The following STK39 variants were observed in gnomAD, a reference collection of about 807,000 sequenced individuals.
The protein encoded by STK39 is STE20/SPS1-related proline-alanine-rich protein kinase.
STK39 carries 20 observed loss-of-function variants against 77.8 expected under a neutral mutation model. That is an observed-to-expected ratio of 0.26 (90% CI 0.18 to 0.37). The LOEUF (loss-of-function observed/expected upper bound fraction) is 0.37, where lower values mean the gene tolerates loss of function less well. STK39 is among the 10% of genes least tolerant of loss of function. The pLI, the probability that STK39 is intolerant of heterozygous loss-of-function variation, is 1.00. For synonymous variants in STK39, 246 were observed against 234.1 expected (o/e 1.05, Z -0.47); for missense variants, 479 against 656.5 (o/e 0.73, Z 2.95).
chr2:168,059,659 T>A (rs1256229511), intron 14 of STK39, among the ~76,000 whole-genome samples: 1 of 152,188 alleles, frequency 6.6e-6, no homozygotes, highest in Non-Finnish European at 1.5e-5. Context: ...GAGCAGACTA[T>A]CCCACTCAAC....
intron 16 of STK39, among the ~76,000 whole-genome samples, chr2:167,989,888 G>A (rs143884111): frequency 6.0e-4 from 91 of 152,202 alleles, no homozygotes; most frequent in African/African-American, 2.2e-3. Flanking sequence ...CATGATTAAA[G>A]TTGTCTACCC....
In STK39 at chr2:168,011,868, C is replaced by T. The variant is rs553877417; in HGVS notation, c.1498+766G>A. 5.9e-5 allele frequency among the ~76,000 whole-genome samples: 9 copies of T among 152,192 alleles called. No individual in the cohort carries two copies. The South Asian group carries it at 6.2e-4, about 11-fold the overall frequency. On this transcript the variant is annotated intron_variant, in intron 16 of 17. Coordinates refer to ENST00000355999, the MANE Select transcript of STK39 (RefSeq NM_013233.3). Reference sequence around the variant, plus strand: ...TTCCTTATCTATACAGTGAAAGAACCGGCCTGAATGATCTTTAAGTTCCCA... The same window carrying T: ...TTCCTTATCTATACAGTGAAAGAACTGGCCTGAATGATCTTTAAGTTCCCA...
chr2:167,973,736 G>T lies in STK39; in HGVS notation c.1499-9010C>A, dbSNP rs77656985. Among the ~76,000 whole-genome samples the T allele has an allele frequency of 5.3e-3, 801 of 152,272 alleles. 3 individuals carry two copies. Among genetic ancestry groups the T allele is most frequent in the Non-Finnish European group, 8.4e-3 (570 of 68,014 alleles). On this transcript the variant is annotated intron_variant, in intron 16 of 17. Transcript: ENST00000355999. ...AATGCAAATTTTTGCCTAATTTAGA[G>T]GGTGAAAGGATTGTTTTAAATTAAG... is the stretch of plus-strand genomic sequence containing the variant.
intron 1 of STK39, among the ~76,000 whole-genome samples, chr2:168,191,890 T>C (rs912618171): frequency 2.6e-5 from 4 of 152,240 alleles, no homozygotes; most frequent in Non-Finnish European, 5.9e-5. Context: ...TACCACTCCT[T>C]GGGTAGGACT....
chr2:168,140,716 G>T lies in STK39; in HGVS notation c.671C>A (p.Thr224Asn). ...SAFLATGGDV[T>N]RNKVRKTFVG... ...GAATGTTTTTCTTACTTTATTTCGG[G>T]TAACATCACCCCCTGTTGCTAGGAA... Residue 224 changes from threonine to asparagine, a missense_variant, in exon 6 of 18, where the codon ACC (threonine) becomes AAC (asparagine). Around this residue, in one of 3 missense-constraint regions of STK39, gnomAD observed 139 missense variants for 280.6 expected, o/e 0.50. Coordinates refer to ENST00000355999, the MANE Select transcript of STK39 (RefSeq NM_013233.3). 1 of 1,611,062 alleles carries T rather than the reference G, an allele frequency of 6.2e-7. No individual in the cohort carries two copies. The highest frequency in any genetic ancestry group is 8.5e-7 in the Non-Finnish European group (1 of 1,177,898).
chr2:168,094,886 G>T (rs1686621786), intron 10 of STK39, among the ~76,000 whole-genome samples: 1 of 152,138 alleles, frequency 6.6e-6, no homozygotes, highest in Non-Finnish European at 1.5e-5. Context: ...GCCCCCTCCA[G>T]TTCCCACCAG....
intron 10 of STK39, among the ~76,000 whole-genome samples, chr2:168,083,324 TATAAC>T (rs975894462): frequency 6.6e-6 from 1 of 151,886 alleles, no homozygotes; most frequent in South Asian, 2.1e-4. Context: ...ACACTGGACA[TATAAC>T]ATATCAAACT....
At chr2:167,987,010 G>A (rs999139251) in intron 16 of STK39, among the ~76,000 whole-genome samples, 2 of 152,186 alleles carry the variant, frequency 1.3e-5, no homozygotes, top group Non-Finnish European at 2.9e-5. Flanking sequence ...GGCTGTATGT[G>A]TAGTCTCCAA....
At chr2:168,091,892 CA>C (rs1460142120) in intron 10 of STK39, among the ~76,000 whole-genome samples, 1 of 152,130 alleles carries the variant, frequency 6.6e-6, no homozygotes, top group Non-Finnish European at 1.5e-5. Context: ...CTGATAAGGA[CA>C]TTTAAAAACA....
chr2:167,955,494 C>T lies in STK39; in HGVS notation c.*2G>A, dbSNP rs780114928. ...GATCAGGGTGACATCAAGGGACATA[C>T]ATCAGCTGACACTCAACTGAGCAAA... On this transcript the variant is annotated 3_prime_UTR_variant, in exon 18 of 18. Coordinates refer to ENST00000355999, the MANE Select transcript of STK39 (RefSeq NM_013233.3). 5.0e-6 allele frequency: 8 copies of T among 1,613,608 alleles called. No individual in the cohort carries two copies. Among genetic ancestry groups the T allele is most frequent in the Non-Finnish European group, 6.8e-6 (8 of 1,179,776 alleles).
intron 14 of STK39, among the ~76,000 whole-genome samples, chr2:168,051,631 T>G (rs1685397841): frequency 6.6e-6 from 1 of 152,168 alleles, no homozygotes; most frequent in Non-Finnish European, 1.5e-5. Flanking sequence ...TCTTTTTTAA[T>G]TTTTTGAGAC....
intron 10 of STK39, among the ~76,000 whole-genome samples, chr2:168,128,471 C>T (rs574894358): frequency 1.3e-5 from 2 of 152,288 alleles, no homozygotes; most frequent in African/African-American, 2.4e-5. Flanking sequence ...CAGAGACCAA[C>T]TGGGCTCATA....
intron 14 of STK39, among the ~76,000 whole-genome samples, chr2:168,018,537 GA>G (rs11343035): frequency 0.14 from 5,883 of 41,282 alleles, 362 homozygotes; most frequent in African/African-American, 0.32. Context: ...AGAAAAGAAA[GA>G]AAAGAAAGAA....
rs547881562 is a variant in STK39, at chr2:168,133,074, A to T, written c.975-3316T>A. Reference sequence around the variant, plus strand: ...AGAGGAAGTGCCAACGTAAGGAGGCAAAGTGCCTCCCTGTCTCCTCTGCAC... The same window carrying T: ...AGAGGAAGTGCCAACGTAAGGAGGCTAAGTGCCTCCCTGTCTCCTCTGCAC... On this transcript the variant is annotated intron_variant, in intron 8 of 17. Transcript: ENST00000355999. Among the ~76,000 whole-genome samples the T allele has an allele frequency of 2.6e-5, 4 of 152,270 alleles. No homozygotes were observed. The South Asian group carries it at 6.2e-4, about 24-fold the overall frequency.
rs201904950 is a variant in STK39, at chr2:167,980,756, T to G, written c.1499-16030A>C. Reference sequence around the variant, plus strand: ...TTTACCTTCATTTCTTGTTGTTGTTTTTTTTTTTTTTTAAATGTGTAGTAA... The same window carrying G: ...TTTACCTTCATTTCTTGTTGTTGTTGTTTTTTTTTTTTAAATGTGTAGTAA... On this transcript the variant is annotated intron_variant, in intron 16 of 17. Coordinates refer to ENST00000355999, the MANE Select transcript of STK39 (RefSeq NM_013233.3). Among the ~76,000 whole-genome samples the G allele has an allele frequency of 0.01, 1,106 of 110,598 alleles. 46 individuals carry two copies. The East Asian group carries it at 0.12, about 12-fold the overall frequency. 72.6% of individuals were successfully genotyped at this position (110,598 alleles called of 152,430 possible). A position where few individuals can be genotyped will look rare whatever the true frequency, so the allele number is the denominator to read the frequency against.
chr2:167,954,598 A>T lies in STK39; in HGVS notation c.*898T>A, dbSNP rs1471270544. On this transcript the variant is annotated 3_prime_UTR_variant, in exon 18 of 18. Coordinates refer to ENST00000355999, the MANE Select transcript of STK39 (RefSeq NM_013233.3). ...ATGGCAACATTTTACATAGCATTCT[A>T]AACGGTCCAATGAAGCAAAACTTAA... is the stretch of plus-strand genomic sequence containing the variant. The T allele has an allele frequency of 6.6e-6, 1 of 152,660 alleles. No homozygotes were observed. Among genetic ancestry groups the T allele is most frequent in the East Asian group, 1.9e-4 (1 of 5,200 alleles). The allele number at this position is 152,660 out of a possible 1,614,324, so 9.5% of individuals were successfully genotyped here.
intron 1 of STK39, among the ~76,000 whole-genome samples, chr2:168,204,319 C>T (rs767534887): frequency 6.6e-6 from 1 of 152,174 alleles, no homozygotes; most frequent in East Asian, 1.9e-4. Flanking sequence ...GTTTCCTCAG[C>T]CCACCAAGGT....
intron 16 of STK39, among the ~76,000 whole-genome samples, chr2:167,994,296 G>A (rs1412139674): frequency 1.3e-5 from 2 of 151,942 alleles, no homozygotes; most frequent in Non-Finnish European, 2.9e-5. Flanking sequence ...TTCAAACTGA[G>A]TATACAGAAA....
At chr2:168,143,221 T>G (rs1008971531) in intron 5 of STK39, among the ~76,000 whole-genome samples, 15 of 152,324 alleles carry the variant, frequency 9.8e-5, no homozygotes, top group Admixed American at 8.5e-4. Flanking sequence ...AATGCTGTCA[T>G]CCTAATAACA....
Sources: gnomAD v4.1 joint callset for allele counts (sites outside exome capture counted in the v4.1 genomes callset) on GRCh38, gnomAD v4.1.1 for gene constraint, gnomAD v4.1.1 regional missense constraint, MANE v1.5 for transcripts, NCBI Gene and HGNC (gene_info 2026-07-23, HGNC 2026-07-21) for gene names.